Variants in PLAGL1 observed in about 807,000 individuals in gnomAD.
PLAGL1 encodes the protein zinc finger protein PLAGL1.
Under a neutral mutation model 4.6 loss-of-function variants are expected in PLAGL1, and 1 was observed. The observed-to-expected ratio is 0.22, with a 90% CI of 0.08 to 1.03. PLAGL1 has a LOEUF of 1.03. PLAGL1 is among the 50% of genes least tolerant of loss of function. PLAGL1 has a pLI of 0.58. For missense variants in PLAGL1, 464 were observed against 570.4 expected (o/e 0.81, Z 1.90); for synonymous variants, 240 against 237.8 (o/e 1.01, Z -0.08).
chr6:143,973,701 GGCTATACAC>G lies in PLAGL1; in HGVS notation c.-543-4732_-543-4724del, dbSNP rs1785866436. ...TTCGTTCTAATAGCCAGAGGAAGATGGCTATACACGCAGCCTCTATTAGTTCACTGCTGT... is the reference window on the plus strand; with the variant it reads ...TTCGTTCTAATAGCCAGAGGAAGATGGCAGCCTCTATTAGTTCACTGCTGT... On this transcript the variant is annotated intron_variant, in intron 2 of 7. Coordinates refer to ENST00000674357, the MANE Select transcript of PLAGL1 (RefSeq NM_001317162.2). The surrounding 1 kb of genome is among the most constrained non-coding windows in gnomAD (Gnocchi z 6.2). Among the ~76,000 whole-genome samples, 1 of 152,204 alleles carries G rather than the reference GGCTATACAC, an allele frequency of 6.6e-6. No homozygotes were observed.
chr6:144,018,580 C>T (rs888990960), intron 1 of PLAGL1, among the ~76,000 whole-genome samples: 6 of 152,172 alleles, frequency 3.9e-5, no homozygotes, highest in African/African-American at 1.2e-4. Context: ...TTAGCTTGAT[C>T]TAGCCATTTG....
rs1461149989 is a variant in PLAGL1, at chr6:143,958,062, C to T, written c.-325+2407G>A. ...ATAGGGCAATGTGGAACACGTGGTG[C>T]AGCCTGGCTGGGATGGGCAGGAGAG... On this transcript the variant is annotated intron_variant, in intron 6 of 7. Transcript: ENST00000674357. This position sits in a 1 kb window ranked among gnomAD's most constrained non-coding sequence, Gnocchi z 5.1. Among the ~76,000 whole-genome samples, 2 of 152,166 alleles carry T rather than the reference C, an allele frequency of 1.3e-5. No individual in the cohort carries two copies. Among genetic ancestry groups the T allele is most frequent in the Admixed American group, 1.3e-4 (2 of 15,274 alleles).
intron 1 of PLAGL1, among the ~76,000 whole-genome samples, chr6:143,992,306 A>T (rs1464434251): frequency 6.6e-6 from 1 of 152,202 alleles, no homozygotes. Context: ...TACAATGACA[A>T]AGGTGGTACA....
rs890389193 is a variant in PLAGL1 at position 144,055,863 on chromosome 6, A to C, written c.-151+8605T>G. Reference sequence around the variant, plus strand: ...TTCTTTGGGTACTACATTCACACACACAGAGAGATTCATGTTCCACCTACA... The same window carrying C: ...TTCTTTGGGTACTACATTCACACACCCAGAGAGATTCATGTTCCACCTACA... On this transcript the variant is annotated intron_variant, in intron 1 of 3. Transcript: ENST00000437412. The surrounding 1 kb of genome is among the most constrained non-coding windows in gnomAD (Gnocchi z 5.0). 6.6e-6 allele frequency among the ~76,000 whole-genome samples: 1 copy of C among 152,204 alleles called. No individual in the cohort carries two copies. Among genetic ancestry groups the C allele is most frequent in the African/African-American group, 2.4e-5 (1 of 41,442 alleles).
At chr6:144,009,687 G>A (rs1277580026), upstream of PLAGL1, among the ~76,000 whole-genome samples, 1 of 138,908 alleles carries the variant, frequency 7.2e-6, no homozygotes, top group Non-Finnish European at 1.6e-5. Flanking sequence ...CTCCCCAACA[G>A]GCCCCAGTGT....
At chr6:143,987,035 A>T (rs1362421308) in intron 1 of PLAGL1, among the ~76,000 whole-genome samples, 1 of 152,206 alleles carries the variant, frequency 6.6e-6, no homozygotes, top group Non-Finnish European at 1.5e-5. Context: ...CTGGGAGGGA[A>T]GTTAATTCAT....
At chr6:144,062,359 AGAGT>A (rs1799478051) in intron 1 of PLAGL1, among the ~76,000 whole-genome samples, 1 of 150,408 alleles carries the variant, frequency 6.6e-6, no homozygotes, top group South Asian at 2.1e-4. Context: ...CCTGGGTGAC[AGAGT>A]GAGACTCCGT....
chr6:143,943,998 T>G (rs1418418272), intron 7 of PLAGL1, among the ~76,000 whole-genome samples: 1 of 152,190 alleles, frequency 6.6e-6, no homozygotes, highest in African/African-American at 2.4e-5. Flanking sequence ...GCATTACATG[T>G]TAGCATGTCC....
chr6:144,015,375 A>T lies in PLAGL1; in HGVS notation c.-150-46397T>A, dbSNP rs2128692863. 6.6e-6 allele frequency among the ~76,000 whole-genome samples: 1 copy of T among 152,356 alleles called. No homozygotes were observed. Among genetic ancestry groups the T allele is most frequent in the East Asian group, 1.9e-4 (1 of 5,190 alleles). On this transcript the variant is annotated intron_variant, in intron 1 of 3. Coordinates refer to the PLAGL1 transcript ENST00000437412. This position sits in a 1 kb window ranked among gnomAD's most constrained non-coding sequence, Gnocchi z 4.3. The stretch of plus-strand genomic sequence containing the variant: ...TTTAGAAGAAAACCTAGGGATAGGC[A>T]GAGACTGGCTGGACAGGACACAAGA...
At chr6:143,977,692 G>T (rs1316275677) in intron 2 of PLAGL1, among the ~76,000 whole-genome samples, 4 of 151,758 alleles carry the variant, frequency 2.6e-5, no homozygotes, top group Admixed American at 2.6e-4. Flanking sequence ...TAGAGACACA[G>T]TTTCACCATG....
In PLAGL1 at chr6:144,063,140, C is replaced by T. The variant is rs1020948514; in HGVS notation, c.-151+1328G>A. Among the ~76,000 whole-genome samples the T allele has an allele frequency of 3.3e-5, 5 of 152,164 alleles. No individual in the cohort carries two copies. Among genetic ancestry groups the T allele is most frequent in the Non-Finnish European group, 7.4e-5 (5 of 68,020 alleles). The stretch of plus-strand genomic sequence containing the variant: ...TCCTGCCACACTCCTCTCACTCAGC[C>T]CAAAGATCACTTGCAGAACCAAAGA... On this transcript the variant is annotated intron_variant, in intron 1 of 3. Transcript: ENST00000437412. The surrounding 1 kb of genome is among the most constrained non-coding windows in gnomAD (Gnocchi z 5.7).
chr6:144,046,526 G>C (rs775105109), intron 1 of PLAGL1, among the ~76,000 whole-genome samples: 1 of 152,096 alleles, frequency 6.6e-6, no homozygotes, highest in Admixed American at 6.6e-5. Context: ...GGCTGCAGAA[G>C]AGCAAATATT....
In PLAGL1 at chr6:143,950,449, T is replaced by C. The variant is rs1276205765; in HGVS notation, c.-324-1989A>G. ...GCCGAGTTTGCTCTGCTAGGTATCA[T>C]GATCTGTTCTACTTCTCACCCAGCC... On this transcript the variant is annotated intron_variant, in intron 6 of 7. Transcript: ENST00000674357. This position sits in a 1 kb window ranked among gnomAD's most constrained non-coding sequence, Gnocchi z 6.3. Among the ~76,000 whole-genome samples, 4 of 152,186 alleles carry C rather than the reference T, an allele frequency of 2.6e-5. No homozygotes were observed. The highest frequency in any genetic ancestry group is 7.2e-5 in the African/African-American group (3 of 41,448).
upstream of PLAGL1, among the ~76,000 whole-genome samples, chr6:144,009,838 G>A (rs1296820308): frequency 6.6e-6 from 1 of 152,172 alleles, no homozygotes; most frequent in Non-Finnish European, 1.5e-5. Context: ...TCCCTACAAA[G>A]GACATGAACT....
intron 1 of PLAGL1, among the ~76,000 whole-genome samples, chr6:143,993,327 A>AC (rs1790901529): frequency 8.1e-5 from 7 of 86,152 alleles, no homozygotes; most frequent in Non-Finnish European, 1.2e-4. Flanking sequence ...AAAAAACAAA[A>AC]CAAAACACAC....
At chr6:143,974,910 G>GCC (rs1786178250) in intron 2 of PLAGL1, among the ~76,000 whole-genome samples, 1 of 152,110 alleles carries the variant, frequency 6.6e-6, no homozygotes, top group African/African-American at 2.4e-5. Flanking sequence ...ACTACTGAAA[G>GCC]AAAGTCTTTG....
At position 144,036,588 on chromosome 6, in the gene PLAGL1, G is replaced by A. The variant is rs546016622; in HGVS notation, c.-151+27880C>T. ...GTGCAAGTGACATGCTGGAAAGAGC[G>A]TGGTAGACATCTAGGGGCCAACTCT... On this transcript the variant is annotated intron_variant, in intron 1 of 3. Transcript: ENST00000437412. The surrounding 1 kb of genome is among the most constrained non-coding windows in gnomAD (Gnocchi z 5.1). The A allele has an allele frequency of 8.8e-5, 16 of 181,148 alleles. No homozygotes were observed. In the South Asian group the frequency reaches 1.2e-3, roughly 13 times the overall value. The allele number at this position is 181,148 out of a possible 1,614,324, so 11.2% of individuals were successfully genotyped here.
At position 143,961,017 on chromosome 6, in the gene PLAGL1, A is replaced by G. The variant is rs1783286352; in HGVS notation, c.-398-475T>C. ...CAAATTTGCAGTGCAAGAAGGTTGA[A>G]GTCTCTAAGTTGAATACTGAATTAA... On this transcript the variant is annotated intron_variant, in intron 5 of 7. Transcript: ENST00000674357. This position sits in a 1 kb window ranked among gnomAD's most constrained non-coding sequence, Gnocchi z 6.5. The G allele has an allele frequency of 6.6e-6, 1 of 152,258 alleles. No homozygotes were observed. Among genetic ancestry groups the G allele is most frequent in the Non-Finnish European group, 1.5e-5 (1 of 68,046 alleles). 9.4% of individuals were successfully genotyped at this position (152,258 alleles called of 1,614,324 possible). A position where few individuals can be genotyped will look rare whatever the true frequency, so the allele number is the denominator to read the frequency against.
rs1300817049 is a variant in PLAGL1 at position 143,994,039 on chromosome 6, G to T, written c.-583-8865C>A. On this transcript the variant is annotated intron_variant, in intron 1 of 7. Transcript: ENST00000674357. The surrounding 1 kb of genome is among the most constrained non-coding windows in gnomAD (Gnocchi z 4.3). ...AATGTTCACTTCATATATGGCTAAG[G>T]AAAAAAAAAAAAAGAAAAGAACTCC... is the stretch of plus-strand genomic sequence containing the variant. Among the ~76,000 whole-genome samples, 1 of 129,802 alleles carries T rather than the reference G, an allele frequency of 7.7e-6. No individual in the cohort carries two copies. Among genetic ancestry groups the T allele is most frequent in the African/African-American group, 2.9e-5 (1 of 34,812 alleles). The allele number at this position is 129,802 out of a possible 152,430, so 85.2% of individuals were successfully genotyped here.
Sources: allele counts gnomAD v4.1 joint callset (sites outside exome capture counted in the v4.1 genomes callset), GRCh38; gene constraint gnomAD v4.1.1; non-coding constraint Gnocchi (gnomAD v3.1); transcripts MANE v1.5; gene names NCBI Gene and HGNC (gene_info 2026-07-23, HGNC 2026-07-21).